DCBLD2: variants seen among roughly 807,000 people sequenced by gnomAD.
DCBLD2 encodes the protein discoidin, CUB and LCCL domain-containing protein 2.
A neutral mutation model predicts 86.8 loss-of-function variants in DCBLD2; 54 were observed. The ratio of observed to expected loss-of-function variants is 0.62; its 90% confidence interval spans 0.50 to 0.78. The LOEUF is 0.78. DCBLD2 is among the 30% of genes least tolerant of loss of function. The pLI, the probability that DCBLD2 is intolerant of heterozygous loss-of-function variation, is 0.00. For synonymous variants in DCBLD2, 354 were observed against 341.3 expected, an observed-to-expected ratio of 1.04 and a Z score of -0.41; for missense variants, 908 against 954.2, an observed-to-expected ratio of 0.95 and a Z score of 0.64.
chr3:98,892,958 G>A (rs902468802), intron 1 of DCBLD2, among the ~76,000 whole-genome samples: 9 of 152,108 alleles, frequency 5.9e-5, no homozygotes, highest in African/African-American at 1.7e-4. Context: ...AGGTCAAAAA[G>A]GAGAGCACAG....
intron 9 of DCBLD2, chr3:98,812,855 T>G (rs1941961168): frequency 6.5e-6 from 1 of 153,170 alleles, no homozygotes; most frequent in African/African-American, 2.4e-5. Flanking sequence ...TTAATTTTTA[T>G]TTTTAAAGTA....
At chr3:98,822,626 A>T in intron 5 of DCBLD2, 43 bp downstream of exon 5, 1 of 1,507,194 alleles carries the variant, frequency 6.6e-7, no homozygotes, top group South Asian at 1.3e-5. Flanking sequence ...CTAAAAAAAT[A>T]GAGTTATATC....
Position 98,901,345 on chromosome 3 carries a change from G to C in DCBLD2, c.-19C>G, listed in dbSNP as rs1255510709. The C allele has an allele frequency of 5.8e-6, 8 of 1,378,672 alleles. No individual in the cohort carries two copies. The highest frequency in any genetic ancestry group is 6.5e-6 in the Non-Finnish European group (7 of 1,077,664). 85.4% of individuals were successfully genotyped at this position (1,378,672 alleles called of 1,614,324 possible). A position where few individuals can be genotyped will look rare whatever the true frequency, so the allele number is the denominator to read the frequency against. Reference sequence around the variant, plus strand: ...TCGCCATCGCGGCGGCCGGCAGTCTGCCTGCATAGTGCGGGTGCCTCGGCA... The same window carrying C: ...TCGCCATCGCGGCGGCCGGCAGTCTCCCTGCATAGTGCGGGTGCCTCGGCA... On this transcript the variant is annotated 5_prime_UTR_variant, in exon 1 of 16. Coordinates refer to ENST00000326840, the MANE Select transcript of DCBLD2 (RefSeq NM_080927.4).
chr3:98,868,058 C>T (rs1370717260), intron 2 of DCBLD2, among the ~76,000 whole-genome samples: 3 of 152,146 alleles, frequency 2.0e-5, no homozygotes, highest in African/African-American at 4.8e-5. Flanking sequence ...CCACCTCAGC[C>T]TCCCAAAGTT....
rs111241200 is a variant in DCBLD2, at chr3:98,810,315, T to C, written c.1576+879A>G. Among the ~76,000 whole-genome samples, 736 of 152,300 alleles carry C rather than the reference T, an allele frequency of 4.8e-3. 4 individuals carry two copies. The highest frequency in any genetic ancestry group is 0.017 in the African/African-American group (691 of 41,562). Reference sequence around the variant, plus strand: ...ATTCTCTCTAGCTGTACCTGCAGCATGAGAAAGTAATTCATCTTTGTGAAA... The same window carrying C: ...ATTCTCTCTAGCTGTACCTGCAGCACGAGAAAGTAATTCATCTTTGTGAAA... On this transcript the variant is annotated intron_variant, in intron 12 of 15. Coordinates refer to ENST00000326840, the MANE Select transcript of DCBLD2 (RefSeq NM_080927.4).
At chr3:98,900,938 A>G (rs1943836906) in intron 1 of DCBLD2, 184 bp downstream of exon 1, 1 of 1,078,722 alleles carries the variant, frequency 9.3e-7, no homozygotes, top group African/African-American at 1.6e-5. Context: ...AGCCGCGCCA[A>G]CTTGGGGGAC....
rs1941676787 is a variant in DCBLD2 at position 98,799,555 on chromosome 3, G to A, written c.2145C>T (p.Tyr715=). The A allele has an allele frequency of 1.2e-6, 2 of 1,613,990 alleles. No individual in the cohort carries two copies. The highest frequency in any genetic ancestry group is 2.7e-5 in the African/African-American group (2 of 75,044). The part of the protein sequence containing the change: ...GNQPPPLVGT[Y]NTLLSRTDSC... ...TGTCAGTCCTGGAGAGAAGTGTATT[G>A]TAAGTTCCCACTAGTGGGGGAGGTT... is the stretch of plus-strand genomic sequence containing the variant. The change falls in exon 16 of 16, where the codon TAC becomes TAT. Residue 715 remains tyrosine, a synonymous_variant. Transcript: ENST00000326840.
At chr3:98,839,122 TC>T (rs35174266) in intron 3 of DCBLD2, among the ~76,000 whole-genome samples, 40,441 of 96,784 alleles carry the variant, frequency 0.42, 7,249 homozygotes, top group East Asian at 0.72. Flanking sequence ...TCTTTCTTTT[TC>T]TTTCTTTCCT....
At chr3:98,840,599 C>G (rs1041516056) in intron 3 of DCBLD2, among the ~76,000 whole-genome samples, 1 of 152,122 alleles carries the variant, frequency 6.6e-6, no homozygotes, top group African/African-American at 2.4e-5. Context: ...TGGTCTCAAG[C>G]AATCCTCCAC....
chr3:98,898,313 G>A (rs73138082), intron 1 of DCBLD2, among the ~76,000 whole-genome samples: 2 of 150,824 alleles, frequency 1.3e-5, no homozygotes, highest in Non-Finnish European at 3.0e-5. Context: ...GACATTAATT[G>A]GAATGAAGGT....
chr3:98,891,384 T>C (rs1943659397), intron 1 of DCBLD2, among the ~76,000 whole-genome samples: 1 of 152,048 alleles, frequency 6.6e-6, no homozygotes, highest in Non-Finnish European at 1.5e-5. Context: ...TAACTAATCA[T>C]TATATTTTAT....
intron 2 of DCBLD2, among the ~76,000 whole-genome samples, chr3:98,870,741 G>GA (rs1559794428): frequency 2.1e-5 from 1 of 47,400 alleles, no homozygotes; most frequent in Non-Finnish European, 4.2e-5. Flanking sequence ...GAAAGAAAAA[G>GA]AAAGAAAGAA....
At chr3:98,817,926 C>T in intron 8 of DCBLD2, 33 bp from the exon 9 acceptor site, 1 of 1,607,332 alleles carries the variant, frequency 6.2e-7, no homozygotes. Flanking sequence ...CATTAATGCA[C>T]ATGGTCTGAT....
intron 2 of DCBLD2, among the ~76,000 whole-genome samples, chr3:98,856,215 G>A (rs778194315): frequency 6.6e-6 from 1 of 152,146 alleles, no homozygotes; most frequent in Non-Finnish European, 1.5e-5. Flanking sequence ...GGATCTCACA[G>A]GAGAGTAAGT....
At chr3:98,839,024 T>TGGGGAGAGGGAGAGGGAG (rs776972713) in intron 3 of DCBLD2, among the ~76,000 whole-genome samples, 4 of 149,876 alleles carry the variant, frequency 2.7e-5, no homozygotes, top group African/African-American at 7.4e-5. Flanking sequence ...AGGGAGACCG[T>TGGGGAGAGGGAGAGGGAG]CGGGAGAGGG....
intron 2 of DCBLD2, among the ~76,000 whole-genome samples, chr3:98,854,365 T>C (rs1942895922): frequency 6.6e-6 from 1 of 152,146 alleles, no homozygotes; most frequent in African/African-American, 2.4e-5. Context: ...CTTGGAGTGG[T>C]TGAGTGTTCT....
rs371978253 is a variant in DCBLD2, at chr3:98,801,640, T to C, written c.1680A>G (p.Lys560=). The change falls in exon 14 of 16, where the codon AAA becomes AAG. Residue 560 remains lysine (K), a synonymous_variant. Coordinates refer to ENST00000326840, the MANE Select transcript of DCBLD2 (RefSeq NM_080927.4). ...AAGGTAAGTCATAGGTGCCTTCAGT[T>C]TTTTTCTTTCTGGAAAAATACAGAA... ...CAWHWRNRKK[K]TEGTYDLPYW... 2.1e-5 allele frequency: 34 copies of C among 1,607,122 alleles called. No individual in the cohort carries two copies. The highest frequency in any genetic ancestry group is 2.7e-5 in the Non-Finnish European group (32 of 1,176,566).
intron 3 of DCBLD2, among the ~76,000 whole-genome samples, chr3:98,839,045 G>A (rs1476217249): frequency 6.6e-6 from 1 of 151,874 alleles, no homozygotes; most frequent in Admixed American, 6.6e-5. Flanking sequence ...AGAGGGAGAG[G>A]GAGAGGGAGC....
At chr3:98,858,782 T>C (rs1942984105) in intron 2 of DCBLD2, among the ~76,000 whole-genome samples, 1 of 152,120 alleles carries the variant, frequency 6.6e-6, no homozygotes, top group African/African-American at 2.4e-5. Flanking sequence ...CCTCCCCTAT[T>C]ATACAAATAG....
Sources: gnomAD v4.1 joint callset for allele counts (sites outside exome capture counted in the v4.1 genomes callset) on GRCh38, gnomAD v4.1.1 for gene constraint, MANE v1.5 for transcripts, NCBI Gene and HGNC (gene_info 2026-07-23, HGNC 2026-07-21) for gene names.